Variants in MUC17 observed in about 807,000 individuals in gnomAD.
MUC17 encodes mucin-17.
A neutral mutation model predicts 170.3 loss-of-function variants in MUC17; 190 were observed. The ratio of observed to expected loss-of-function variants is 1.12; its 90% CI spans 0.99 to 1.26. The LOEUF is 1.26. Among genes scored for constraint, MUC17 ranks in the 50% most tolerant of loss-of-function variants. The pLI is 0.00. For missense variants in MUC17, 6,415 were observed against 5,530.0 expected, an observed-to-expected ratio of 1.16 and a Z score of -5.08; for synonymous variants, 2,325 against 2,002.5, an observed-to-expected ratio of 1.16 and a Z score of -4.30.
chr7:101,033,473 G>A lies in MUC17; in HGVS notation c.2057G>A (p.Gly686Glu). The change falls in exon 3 of 13, where the codon GGA becomes GAA. Residue 686 changes from glycine (G) to glutamate (E), a missense_variant. Transcript: ENST00000306151. ...ATGCCAACCTCAACTTATACTGAAG[G>A]AAGCACTCCATTAACAAGTATGCCT... ...TSMPTSTYTE[G>E]STPLTSMPVN... The A allele has an allele frequency of 6.2e-7, 1 of 1,613,654 alleles. No homozygotes were observed.
chr7:101,042,299 C>G lies in MUC17; in HGVS notation c.10883C>G (p.Ser3628Ter), dbSNP rs763045272. The change falls in exon 3 of 13, where the codon TCA (serine) becomes TGA (stop). Residue 3628 changes from serine (S) to a stop codon, truncating the protein, a stop_gained. Coordinates refer to ENST00000306151, the MANE Select transcript of MUC17 (RefSeq NM_001040105.2). LOFTEE classifies it high-confidence loss of function. ...CCTGAAGTTATCACCCTGCCAATGTCAACTCCTAGTGAAGTAAGCACTCCA... is the reference window on the plus strand; with the variant it reads ...CCTGAAGTTATCACCCTGCCAATGTGAACTCCTAGTGAAGTAAGCACTCCA... Reference protein sequence around the residue: ...TPPEVITLPMSTPSEVSTPLT... With the variant: ...TPPEVITLPM 1 of 1,613,978 alleles carries G rather than the reference C, an allele frequency of 6.2e-7. No individual in the cohort carries two copies. The highest frequency in any genetic ancestry group is 1.3e-5 in the African/African-American group (1 of 74,944).
Position 101,034,284 on chromosome 7 carries a change from C to G in MUC17, c.2868C>G (p.Thr956=), listed in dbSNP as rs2116416607. 6.2e-7 allele frequency: 1 copy of G among 1,609,020 alleles called. No individual in the cohort carries two copies. Among genetic ancestry groups the G allele is most frequent in the African/African-American group, 1.3e-5 (1 of 74,728 alleles). The change falls in exon 3 of 13, where the codon ACC becomes ACG. Residue 956 remains threonine (T), a synonymous_variant. Coordinates refer to ENST00000306151, the MANE Select transcript of MUC17 (RefSeq NM_001040105.2). ...ATPVDTSTPV[T]TSTEATSSPT... The stretch of plus-strand genomic sequence containing the variant: ...CTGTTGACACCAGCACACCTGTGAC[C>G]ACTTCTACTGAAGCCACTTCATCTC...
rs1794946374 is a variant in MUC17, at chr7:101,051,665, C to G, written c.12927C>G (p.Thr4309=). 3.7e-6 allele frequency: 6 copies of G among 1,611,172 alleles called. No individual in the cohort carries two copies. The East Asian group carries it at 1.3e-4, about 36-fold the overall frequency. The part of the protein sequence containing the change: ...TGTQVQNITV[T]QYDPEEDCRK... ...CCCAAGTGCAAAACATTACGGTGACCCAGTACGACCCTGAAGGTAGGTGAT... is the reference window on the plus strand; with the variant it reads ...CCCAAGTGCAAAACATTACGGTGACGCAGTACGACCCTGAAGGTAGGTGAT... Residue 4309 remains threonine, a synonymous_variant, in exon 8 of 13, where the codon ACC becomes ACG. Coordinates refer to ENST00000306151, the MANE Select transcript of MUC17 (RefSeq NM_001040105.2).
At chr7:101,049,241 C>T (rs1194529338) in intron 5 of MUC17, 83 bp from the exon 6 acceptor site, 1 of 1,566,290 alleles carries the variant, frequency 6.4e-7, no homozygotes, top group Non-Finnish European at 8.8e-7. Context: ...ACAGGATCAT[C>T]CCCTGGTCCT....
rs1298553887 is a variant in MUC17 at position 101,039,910 on chromosome 7, A to G, written c.8494A>G (p.Thr2832Ala). 9.3e-6 allele frequency: 15 copies of G among 1,613,108 alleles called. No individual in the cohort carries two copies. Among genetic ancestry groups the G allele is most frequent in the Non-Finnish European group, 1.3e-5 (15 of 1,179,742 alleles). The change falls in exon 3 of 13, where the codon ACA becomes GCA. Residue 2832 changes from threonine (T) to alanine (A), a missense_variant. Physicochemically the swap from Thr to Ala is moderately conservative, Grantham distance 58. Transcript: ENST00000306151. ...VASSEAGTLSTTPVDTSTPVT... is the reference protein window; with the variant it reads ...VASSEAGTLSATPVDTSTPVT... ...CAGTTCTGAGGCTGGCACCCTTTCA[A>G]CAACTCCTGTTGACACCAGCACACC...
Position 101,042,272 on chromosome 7 carries a change from C to G in MUC17, c.10856C>G (p.Pro3619Arg). Reference protein sequence around the residue: ...TSTQSNSTPTPPEVITLPMST... With the variant: ...TSTQSNSTPTRPEVITLPMST... ...ACTCAGAGCAATTCTACTCCTACAC[C>G]TCCTGAAGTTATCACCCTGCCAATG... Residue 3619 changes from proline (P) to arginine (R), a missense_variant, in exon 3 of 13, where the codon CCT becomes CGT. Transcript: ENST00000306151. 1 of 1,614,016 alleles carries G rather than the reference C, an allele frequency of 6.2e-7. No homozygotes were observed. The highest frequency in any genetic ancestry group is 8.5e-7 in the Non-Finnish European group (1 of 1,179,988).
chr7:101,024,758 T>TC (rs1562800262), intron 1 of MUC17, among the ~76,000 whole-genome samples: 2 of 149,940 alleles, frequency 1.3e-5, no homozygotes, highest in Non-Finnish European at 3.0e-5. Context: ...TTTTTTTTTT[T>TC]CTGAGATGGC....
intron 12 of MUC17, among the ~76,000 whole-genome samples, chr7:101,057,744 G>A (rs1393774446): frequency 6.6e-6 from 1 of 152,122 alleles, no homozygotes; most frequent in Non-Finnish European, 1.5e-5. Flanking sequence ...TTCAGGTGTG[G>A]TTGTGTGCAC....
Position 101,042,930 on chromosome 7 carries a change from TC to T in MUC17, c.11516del (p.Pro3839LeufsTer38). 1 of 1,614,086 alleles carries T rather than the reference TC, an allele frequency of 6.2e-7. No individual in the cohort carries two copies. Among genetic ancestry groups the T allele is most frequent in the Non-Finnish European group, 8.5e-7 (1 of 1,180,018 alleles). ...PSEASTLSTPPGDTSTPLLTS... is the reference protein window; with the variant it reads ...PSEASTLSTPXGDTSTPLLTS... The stretch of plus-strand genomic sequence containing the variant: ...CTGAGGCCAGCACACTTTCAACACC[TC>T]CTGGTGATACCAGCACACCTTTGCT... On this transcript the variant is annotated frameshift_variant, in exon 3 of 13. Transcript: ENST00000306151. LOFTEE classifies it high-confidence loss of function.
intron 1 of MUC17, among the ~76,000 whole-genome samples, chr7:101,030,566 A>C (rs1418823611): frequency 6.6e-6 from 1 of 152,024 alleles, no homozygotes; most frequent in Non-Finnish European, 1.5e-5. Context: ...TCTTTTAAAA[A>C]ATATTTATTT....
At position 101,039,912 on chromosome 7, in the gene MUC17, A is replaced by G; in HGVS notation, c.8496A>G (p.Thr2832=). The part of the protein sequence containing the change: ...VASSEAGTLS[T]TPVDTSTPVT... Reference sequence around the variant, plus strand: ...GTTCTGAGGCTGGCACCCTTTCAACAACTCCTGTTGACACCAGCACACCTG... The same window carrying G: ...GTTCTGAGGCTGGCACCCTTTCAACGACTCCTGTTGACACCAGCACACCTG... Residue 2832 remains threonine, a synonymous_variant, in exon 3 of 13, where the codon ACA becomes ACG. Coordinates refer to ENST00000306151, the MANE Select transcript of MUC17 (RefSeq NM_001040105.2). 1 of 1,613,206 alleles carries G rather than the reference A, an allele frequency of 6.2e-7. No individual in the cohort carries two copies. The highest frequency in any genetic ancestry group is 8.5e-7 in the Non-Finnish European group (1 of 1,179,752).
chr7:101,038,419 G>A lies in MUC17; in HGVS notation c.7003G>A (p.Glu2335Lys), dbSNP rs370806150. The A allele has an allele frequency of 3.1e-6, 5 of 1,613,788 alleles. No homozygotes were observed. In the African/African-American group the frequency reaches 6.7e-5, roughly 22 times the overall value. Residue 2335 changes from glutamate to lysine, a missense_variant, in exon 3 of 13, where the codon GAA becomes AAA. Transcript: ENST00000306151. ...CAGCATGCCAACCTCAACTTCTAGT[G>A]AAGGAAACACTCCATTAACACGTAT... ...GTSMPTSTSSEGNTPLTRMPV... is the reference protein window; with the variant it reads ...GTSMPTSTSSKGNTPLTRMPV...
At position 101,031,201 on chromosome 7, in the gene MUC17, T is replaced by C; in HGVS notation, c.164T>C (p.Leu55Pro). The change falls in exon 2 of 13, where the codon CTG becomes CCG. Residue 55 changes from leucine (L) to proline (P), a missense_variant. By Grantham distance (98) the Leu-to-Pro change is moderately conservative. Coordinates refer to ENST00000306151, the MANE Select transcript of MUC17 (RefSeq NM_001040105.2). ...GDVLNRQCQQ[L>P]SQHVRTGSAA... ...GTCTTGAACCGTCAGTGCCAGCAGC[T>C]GTCTCAGCACGTTAGGACAGGTAAG... is the stretch of plus-strand genomic sequence containing the variant. The C allele has an allele frequency of 6.2e-7, 1 of 1,613,604 alleles. No individual in the cohort carries two copies. Among genetic ancestry groups the C allele is most frequent in the Non-Finnish European group, 8.5e-7 (1 of 1,179,804 alleles).
Position 101,051,942 on chromosome 7 carries a change from T to C in MUC17, c.13083T>C (p.Ser4361=), listed in dbSNP as rs769925957. Residue 4361 remains serine (S), a synonymous_variant, in exon 9 of 13, where the codon TCT becomes TCC. Coordinates refer to ENST00000306151, the MANE Select transcript of MUC17 (RefSeq NM_001040105.2). Reference sequence around the variant, plus strand: ...GTAACCTCGGCAAGTGCCAGATGTCTCTAAGTGGACCTCAGTGCCTGTGAG... The same window carrying C: ...GTAACCTCGGCAAGTGCCAGATGTCCCTAAGTGGACCTCAGTGCCTGTGAG... ...KNCNLGKCQM[S]LSGPQCLCVT... is the part of the protein sequence containing the mutation. 6.2e-7 allele frequency: 1 copy of C among 1,613,798 alleles called. No individual in the cohort carries two copies. Among genetic ancestry groups the C allele is most frequent in the Non-Finnish European group, 8.5e-7 (1 of 1,179,766 alleles).
chr7:101,053,262 T>A, intron 10 of MUC17, 77 bp from the exon 11 acceptor site: 2 of 1,583,964 alleles, frequency 1.3e-6, no homozygotes, highest in Non-Finnish European at 1.7e-6. Context: ...CAGCTAAAAA[T>A]GGGGATACAG....
intron 3 of MUC17, among the ~76,000 whole-genome samples, chr7:101,044,944 A>T (rs1299700361): frequency 6.6e-6 from 1 of 152,154 alleles, no homozygotes; most frequent in African/African-American, 2.4e-5. Flanking sequence ...TCAGCTCTGA[A>T]TTCTACCTCC....
Position 101,036,169 on chromosome 7 carries a change from G to C in MUC17, c.4753G>C (p.Val1585Leu), listed in dbSNP as rs577808535. 1 of 1,613,874 alleles carries C rather than the reference G, an allele frequency of 6.2e-7. No homozygotes were observed. Among genetic ancestry groups the C allele is most frequent in the African/African-American group, 1.3e-5 (1 of 74,880 alleles). ...LTSLPVSTMLVVSSEANTLST... is the reference protein window; with the variant it reads ...LTSLPVSTMLLVSSEANTLST... ...AAGTTTGCCTGTCAGCACCATGCTGGTGGTCAGTTCTGAGGCTAACACCCT... is the reference window on the plus strand; with the variant it reads ...AAGTTTGCCTGTCAGCACCATGCTGCTGGTCAGTTCTGAGGCTAACACCCT... Residue 1585 changes from valine to leucine, a missense_variant, in exon 3 of 13, where the codon GTG (valine) becomes CTG (leucine). Physicochemically the swap from Val to Leu is conservative, Grantham distance 32 (BLOSUM62 1). Transcript: ENST00000306151.
intron 5 of MUC17, 106 bp downstream of exon 5, chr7:101,049,078 G>A: frequency 1.3e-6 from 2 of 1,531,514 alleles, no homozygotes; most frequent in South Asian, 1.2e-5. Context: ...ATGTGCGGGA[G>A]TTCTCTCAGG....
chr7:101,032,850 C>G lies in MUC17; in HGVS notation c.1434C>G (p.Asp478Glu). ...EASNLSTTPV[D>E]SKTQVTTSTE... ...GCAACCTTTCAACAACTCCTGTTGA[C>G]TCCAAAACTCAGGTGACCACTTCTA... Residue 478 changes from aspartate to glutamate, a missense_variant, in exon 3 of 13, where the codon GAC (aspartate) becomes GAG (glutamate). Coordinates refer to ENST00000306151, the MANE Select transcript of MUC17 (RefSeq NM_001040105.2). The G allele has an allele frequency of 1.9e-6, 3 of 1,613,806 alleles. No homozygotes were observed. Among genetic ancestry groups the G allele is most frequent in the Non-Finnish European group, 2.5e-6 (3 of 1,179,842 alleles).
Sources: gnomAD v4.1 joint callset for allele counts (sites outside exome capture counted in the v4.1 genomes callset) on GRCh38, gnomAD v4.1.1 for gene constraint, MANE v1.5 for transcripts, NCBI Gene and HGNC (gene_info 2026-07-23, HGNC 2026-07-21) for gene names.